Variants in LINGO2 observed in about 807,000 individuals in gnomAD.
The protein encoded by LINGO2 is leucine rich repeat and Ig domain containing 2, also known as leucine-rich repeat and immunoglobulin-like domain-containing nogo receptor-interacting protein 2.
Under a neutral mutation model 30.6 loss-of-function variants are expected in LINGO2, and 14 were observed. The ratio of observed to expected loss-of-function variants is 0.46; its 90% confidence interval spans 0.30 to 0.72. LINGO2 has a LOEUF of 0.72. Among genes scored for constraint, LINGO2 ranks in the 30% least tolerant of loss-of-function variants. LINGO2 has a pLI of 0.07. For missense variants in LINGO2, 729 were observed against 751.7 expected (o/e 0.97, Z 0.35); for synonymous variants, 317 against 288.5 (o/e 1.10, Z -1.00).
chr9:28,682,391 T>G, the LINGO2 span, among the ~76,000 whole-genome samples: 1 of 152,170 alleles, frequency 6.6e-6, no homozygotes, highest in Non-Finnish European at 1.5e-5. Flanking sequence ...ATTTCACTTC[T>G]TGCAAAATAA....
chr9:28,740,847 C>A, the LINGO2 span, among the ~76,000 whole-genome samples: 3 of 151,990 alleles, frequency 2.0e-5, no homozygotes, highest in African/African-American at 7.3e-5. Context: ...TTGTTATTAA[C>A]CATGGTCACC....
chr9:29,203,486 G>A, the LINGO2 span, among the ~76,000 whole-genome samples: 1 of 152,290 alleles, frequency 6.6e-6, no homozygotes, highest in South Asian at 2.1e-4. Flanking sequence ...TATGACCCAT[G>A]TATCTTATTT....
chr9:28,389,692 C>A (rs1163498179), intron 2 of LINGO2, among the ~76,000 whole-genome samples: 1 of 152,142 alleles, frequency 6.6e-6, no homozygotes, highest in Non-Finnish European at 1.5e-5. Context: ...ACTTCCCACA[C>A]GAAACAAACA....
chr9:28,613,540 G>A (rs758034969), intron 1 of LINGO2, among the ~76,000 whole-genome samples: 1 of 151,796 alleles, frequency 6.6e-6, no homozygotes, highest in Non-Finnish European at 1.5e-5. Context: ...CTGATATGTA[G>A]AAATGTCAGG....
chr9:28,236,632 G>A (rs887961781), intron 4 of LINGO2, among the ~76,000 whole-genome samples: 2 of 152,066 alleles, frequency 1.3e-5, no homozygotes, highest in Non-Finnish European at 2.9e-5. Flanking sequence ...GCTAGGCACA[G>A]AAAAATAAAC....
the LINGO2 span, among the ~76,000 whole-genome samples, chr9:29,201,831 C>T: frequency 6.6e-6 from 1 of 152,068 alleles, no homozygotes; most frequent in Middle Eastern, 3.4e-3. Flanking sequence ...ACATGCAGGC[C>T]AGAAAAGTGT....
chr9:28,482,495 T>C, intron 1 of LINGO2, among the ~76,000 whole-genome samples: 1 of 152,114 alleles, frequency 6.6e-6, no homozygotes, highest in Non-Finnish European at 1.5e-5. Flanking sequence ...TGTAAATTTG[T>C]TTGAGTTCAT....
At chr9:28,431,071 A>AGAGAGAGAGAGAGAGAG (rs58316928) in intron 2 of LINGO2, among the ~76,000 whole-genome samples, 19 of 148,702 alleles carry the variant, frequency 1.3e-4, no homozygotes, top group African/African-American at 2.2e-4. Flanking sequence ...AGAGAGAGAG[A>AGAGAGAGAGAGAGAGAG]AACTCAAGGC....
intron 2 of LINGO2, among the ~76,000 whole-genome samples, chr9:28,409,666 C>A (rs772437130): frequency 1.7e-4 from 25 of 149,250 alleles, no homozygotes; most frequent in Admixed American, 3.4e-4. Context: ...GTTTCGAAGT[C>A]ATTGTAAAAG....
At chr9:28,501,529 A>C (rs2135316913) in intron 1 of LINGO2, among the ~76,000 whole-genome samples, 1 of 152,308 alleles carries the variant, frequency 6.6e-6, no homozygotes, top group East Asian at 1.9e-4. Flanking sequence ...AAGTGCCAAA[A>C]GTAATTCTAA....
At chr9:28,137,691 G>A (rs1441632114) in intron 4 of LINGO2, among the ~76,000 whole-genome samples, 1 of 151,984 alleles carries the variant, frequency 6.6e-6, no homozygotes, top group African/African-American at 2.4e-5. Context: ...GTATTCTTAT[G>A]ATAAATGAAA....
At chr9:28,726,327 G>A in the LINGO2 span, among the ~76,000 whole-genome samples, 2 of 152,084 alleles carry the variant, frequency 1.3e-5, no homozygotes, top group Admixed American at 6.5e-5. Flanking sequence ...CTGCTGAAGT[G>A]GGGCTACAAG....
At chr9:27,995,842 T>C (rs1198955833) in intron 5 of LINGO2, among the ~76,000 whole-genome samples, 1 of 152,088 alleles carries the variant, frequency 6.6e-6, no homozygotes. Flanking sequence ...ATATTCAACA[T>C]AGTACTAAAA....
At chr9:29,056,369 T>C in the LINGO2 span, among the ~76,000 whole-genome samples, 1 of 152,172 alleles carries the variant, frequency 6.6e-6, no homozygotes, top group Non-Finnish European at 1.5e-5. Flanking sequence ...TTTTTTCACA[T>C]ATTTGTTGGC....
At chr9:28,043,360 AACTG>A (rs888944339) in intron 4 of LINGO2, among the ~76,000 whole-genome samples, 13 of 152,276 alleles carry the variant, frequency 8.5e-5, no homozygotes, top group Non-Finnish European at 1.8e-4. Context: ...AACTCAAGTG[AACTG>A]ACTACCTCTC....
chr9:28,740,896 T>C, the LINGO2 span, among the ~76,000 whole-genome samples: 1 of 152,022 alleles, frequency 6.6e-6, no homozygotes, highest in Non-Finnish European at 1.5e-5. Flanking sequence ...TCCTCATATC[T>C]AACTGAATTG....
chr9:28,609,758 T>C (rs886661318), intron 1 of LINGO2, among the ~76,000 whole-genome samples: 1 of 152,084 alleles, frequency 6.6e-6, no homozygotes, highest in African/African-American at 2.4e-5. Context: ...TTGTCATAGA[T>C]AGTTATCTTA....
At chr9:28,781,549 C>T in the LINGO2 span, among the ~76,000 whole-genome samples, 2 of 152,174 alleles carry the variant, frequency 1.3e-5, no homozygotes, top group Non-Finnish European at 2.9e-5. Context: ...ATCAACCCTT[C>T]CCATACTCCA....
rs1563847289 is a variant in LINGO2 at position 28,590,154 on chromosome 9, TC to T, written c.-365+80045del. ...CCTGACACCTTATACAAAAATTAAT[TC>T]AAGATGGATTAAAGCCTTACATGTT... is the stretch of plus-strand genomic sequence containing the variant. On this transcript the variant is annotated intron_variant, in intron 1 of 5. Coordinates refer to ENST00000379992, the Ensembl canonical transcript of LINGO2. Among the ~76,000 whole-genome samples the T allele has an allele frequency of 2.0e-5, 3 of 152,042 alleles. 1 individual carries two copies. The highest frequency in any genetic ancestry group is 4.4e-5 in the Non-Finnish European group (3 of 68,018).
Sources: gnomAD v4.1 joint callset for allele counts (sites outside exome capture counted in the v4.1 genomes callset) on GRCh38, gnomAD v4.1.1 for gene constraint, MANE v1.5 for transcripts, NCBI Gene and HGNC (gene_info 2026-07-23, HGNC 2026-07-21) for gene names.